Variants in LHFPL3 observed in about 807,000 individuals in gnomAD.
LHFPL3 encodes the protein LHFPL tetraspan subfamily member 3.
A neutral mutation model predicts 19.3 loss-of-function variants in LHFPL3; 5 were observed. The ratio of observed to expected loss-of-function variants is 0.26; its 90% CI spans 0.14 to 0.54. The LOEUF is 0.54. LHFPL3 is among the 20% of genes least tolerant of loss of function. The pLI is 0.94. For missense variants in LHFPL3, 249 were observed against 307.4 expected, an observed-to-expected ratio of 0.81 and a Z score of 1.42; for synonymous variants, 133 against 126.2, an observed-to-expected ratio of 1.05 and a Z score of -0.36.
intron 1 of LHFPL3, among the ~76,000 whole-genome samples, chr7:104,388,459 G>A (rs1377286146): frequency 2.0e-5 from 3 of 152,050 alleles, no homozygotes; most frequent in South Asian, 2.1e-4. Flanking sequence ...GTGGAATGGC[G>A]TATTCAAAGT....
At chr7:104,898,341 A>T (rs938756852) in intron 2 of LHFPL3, among the ~76,000 whole-genome samples, 1 of 152,036 alleles carries the variant, frequency 6.6e-6, no homozygotes, top group Non-Finnish European at 1.5e-5. Context: ...AGTACCACCC[A>T]TTACATAAAA....
At chr7:104,396,757 G>A (rs749969110) in intron 1 of LHFPL3, among the ~76,000 whole-genome samples, 4 of 151,898 alleles carry the variant, frequency 2.6e-5, no homozygotes, top group Non-Finnish European at 5.9e-5. Context: ...AGGAGTTCAA[G>A]GCTAGCCTGG....
intron 1 of LHFPL3, among the ~76,000 whole-genome samples, chr7:104,550,260 C>T (rs1008973809): frequency 1.3e-5 from 2 of 152,086 alleles, no homozygotes; most frequent in Non-Finnish European, 2.9e-5. Context: ...ATCACAGAAA[C>T]ATCCAGAATA....
At chr7:104,361,830 T>C (rs1253509735) in intron 1 of LHFPL3, among the ~76,000 whole-genome samples, 1 of 152,228 alleles carries the variant, frequency 6.6e-6, no homozygotes, top group African/African-American at 2.4e-5. Flanking sequence ...TTTCAAGATA[T>C]ACAAATCTAT....
intron 1 of LHFPL3, among the ~76,000 whole-genome samples, chr7:104,512,135 A>G (rs1160826572): frequency 6.6e-6 from 1 of 151,254 alleles, no homozygotes. Flanking sequence ...TTGTATTTTT[A>G]CTAGAGACAG....
chr7:104,556,478 G>A (rs1206099276), intron 1 of LHFPL3, among the ~76,000 whole-genome samples: 2 of 152,122 alleles, frequency 1.3e-5, no homozygotes, highest in Non-Finnish European at 2.9e-5. Context: ...CTGTACCTTG[G>A]CCCCTTTTAG....
At chr7:104,374,991 ATATCAAG>A (rs777209448) in intron 1 of LHFPL3, among the ~76,000 whole-genome samples, 10 of 152,254 alleles carry the variant, frequency 6.6e-5, no homozygotes, top group Non-Finnish European at 1.0e-4. Flanking sequence ...CGAGCAATAA[ATATCAAG>A]TGTCAGTATA....
intron 2 of LHFPL3, chr7:104,896,174 G>A (rs987886332): frequency 7.2e-5 from 11 of 152,206 alleles, no homozygotes; most frequent in Non-Finnish European, 1.6e-4. Context: ...TTGGGGGTTA[G>A]GGCTTCAATA....
chr7:104,705,793 T>C (rs1186013214), intron 1 of LHFPL3, among the ~76,000 whole-genome samples: 1 of 152,134 alleles, frequency 6.6e-6, no homozygotes, highest in Non-Finnish European at 1.5e-5. Context: ...GTGGCAGTCA[T>C]TCCCCACTAC....
At chr7:104,596,290 T>C (rs1241049899) in intron 1 of LHFPL3, among the ~76,000 whole-genome samples, 1 of 152,224 alleles carries the variant, frequency 6.6e-6, no homozygotes, top group Non-Finnish European at 1.5e-5. Flanking sequence ...AATGAAGAGC[T>C]TCCCTGTGAT....
At chr7:104,905,904 A>C (rs982732569) in intron 2 of LHFPL3, among the ~76,000 whole-genome samples, 1 of 152,244 alleles carries the variant, frequency 6.6e-6, no homozygotes, top group Non-Finnish European at 1.5e-5. Flanking sequence ...ACTTGGGAAC[A>C]GTCCACATTT....
chr7:104,566,102 T>C (rs1204055507), intron 1 of LHFPL3, among the ~76,000 whole-genome samples: 2 of 152,046 alleles, frequency 1.3e-5, no homozygotes, highest in East Asian at 3.9e-4. Context: ...AATCCCAGCA[T>C]TTTGGGAGGT....
intron 1 of LHFPL3, among the ~76,000 whole-genome samples, chr7:104,484,232 G>A (rs1793195082): frequency 6.6e-6 from 1 of 151,988 alleles, no homozygotes; most frequent in African/African-American, 2.4e-5. Flanking sequence ...TTTACCTGTG[G>A]CTCCAAAAGA....
chr7:104,555,650 G>A (rs1054824973), intron 1 of LHFPL3, among the ~76,000 whole-genome samples: 1 of 152,120 alleles, frequency 6.6e-6, no homozygotes, highest in African/African-American at 2.4e-5. Flanking sequence ...GGGGACACAG[G>A]CAAACCATAT....
chr7:104,851,088 A>G (rs747148493), intron 2 of LHFPL3, among the ~76,000 whole-genome samples: 1 of 152,232 alleles, frequency 6.6e-6, no homozygotes, highest in African/African-American at 2.4e-5. Context: ...CTTGCCAGTC[A>G]TGAAAGAGAT....
chr7:104,369,978 T>C (rs1190837423), intron 1 of LHFPL3, among the ~76,000 whole-genome samples: 1 of 152,346 alleles, frequency 6.6e-6, no homozygotes, highest in Admixed American at 6.5e-5. Context: ...CATCAATTAA[T>C]TTAACAAAAA....
rs555323583 is a variant in LHFPL3, at chr7:104,414,983, T to C, written c.445+85759T>C. Among the ~76,000 whole-genome samples, 5 of 152,286 alleles carry C rather than the reference T, an allele frequency of 3.3e-5. No individual in the cohort carries two copies. The South Asian group carries it at 6.2e-4, about 19-fold the overall frequency. On this transcript the variant is annotated intron_variant, in intron 1 of 2. Transcript: ENST00000424859. Reference sequence around the variant, plus strand: ...GCCTGAGAAGAAAACAAATTGCGCATATAGTTACATTTCGGGTAAATGTTA... The same window carrying C: ...GCCTGAGAAGAAAACAAATTGCGCACATAGTTACATTTCGGGTAAATGTTA...
chr7:104,722,476 A>C lies in LHFPL3; in HGVS notation c.446-14199A>C, dbSNP rs149986176. On this transcript the variant is annotated intron_variant, in intron 1 of 2. Transcript: ENST00000424859. ...GCCCATAAAATTACACTGTGTTTAA[A>C]GCCAAAATTTACCAGGACACAATGT... is the stretch of plus-strand genomic sequence containing the variant. 6.4e-3 allele frequency among the ~76,000 whole-genome samples: 969 copies of C among 152,336 alleles called. 11 individuals are homozygous for C. Among genetic ancestry groups the C allele is most frequent in the African/African-American group, 0.022 (912 of 41,582 alleles).
Position 104,594,734 on chromosome 7 carries a change from T to C in LHFPL3, c.446-141941T>C, listed in dbSNP as rs1790805503. On this transcript the variant is annotated intron_variant, in intron 1 of 2. Transcript: ENST00000424859. Reference sequence around the variant, plus strand: ...AATATTCCTTGGAGGCTTTGTTCATTCCTTTTTCCTGTTTTTTCTCTAACC... The same window carrying C: ...AATATTCCTTGGAGGCTTTGTTCATCCCTTTTTCCTGTTTTTTCTCTAACC... Among the ~76,000 whole-genome samples the C allele has an allele frequency of 2.0e-5, 3 of 152,226 alleles. No individual in the cohort carries two copies. The South Asian group carries it at 6.2e-4, about 32-fold the overall frequency.
Sources: allele counts gnomAD v4.1 joint callset (sites outside exome capture counted in the v4.1 genomes callset), GRCh38; gene constraint gnomAD v4.1.1; transcripts MANE v1.5; gene names NCBI Gene and HGNC (gene_info 2026-07-23, HGNC 2026-07-21).